KIFC2: variants seen among roughly 807,000 people sequenced by gnomAD.
KIFC2 encodes kinesin-like protein KIFC2.
A neutral mutation model predicts 91.5 loss-of-function variants in KIFC2; 94 were observed. The ratio of observed to expected loss-of-function variants is 1.03; its 90% CI spans 0.87 to 1.22. KIFC2 has a LOEUF of 1.22. Among genes scored for constraint, KIFC2 ranks in the 50% most tolerant of loss-of-function variants. The pLI, the probability that KIFC2 is intolerant of heterozygous loss-of-function variation, is 0.00. For synonymous variants in KIFC2, 729 were observed against 503.9 expected (o/e 1.45, Z -5.98); for missense variants, 1,357 against 1,103.3 (o/e 1.23, Z -3.26).
chr8:144,468,053 A>G lies in KIFC2; in HGVS notation c.810+66A>G, dbSNP rs572060813. The G allele has an allele frequency of 6.8e-6, 10 of 1,469,394 alleles. No individual in the cohort carries two copies. In the Admixed American group the frequency reaches 2.8e-4, roughly 41 times the overall value. The allele number at this position is 1,469,394 out of a possible 1,614,324, so 91.0% of individuals were successfully genotyped here. A position where few individuals can be genotyped will look rare whatever the true frequency, so the allele number is the denominator to read the frequency against. ...GCTCTTGCACACCTGGCATGCAGCC[A>G]CAGGGCCCGAGCCTCCTCAGGACCT... On this transcript the variant is annotated intron_variant, in intron 7 of 17. Transcript: ENST00000645548.
At position 144,472,268 on chromosome 8, in the gene KIFC2, C is replaced by G. The variant is rs1009796066; in HGVS notation, c.1607+9C>G. ...TACAATGAGGCTGTCAGGTGGGCTACTCCACCAGGGAGGCCTTCTCCCCAC... is the reference window on the plus strand; with the variant it reads ...TACAATGAGGCTGTCAGGTGGGCTAGTCCACCAGGGAGGCCTTCTCCCCAC... On this transcript the variant is annotated intron_variant, in intron 14 of 17. Coordinates refer to ENST00000645548, the MANE Select transcript of KIFC2 (RefSeq NM_001369769.2). 6.2e-7 allele frequency: 1 copy of G among 1,613,202 alleles called. No homozygotes were observed. The highest frequency in any genetic ancestry group is 8.5e-7 in the Non-Finnish European group (1 of 1,179,982).
chr8:144,468,452 TG>T, intron 8 of KIFC2, 46 bp downstream of exon 8: 1 of 1,405,166 alleles, frequency 7.1e-7, no homozygotes, highest in Non-Finnish European at 9.4e-7. Context: ...TGAGGCGGGC[TG>T]GGGTTTTGGG....
Position 144,468,367 on chromosome 8 carries a change from T to A in KIFC2, c.849T>A (p.Leu283=), listed in dbSNP as rs770925490. 6.8e-6 allele frequency: 11 copies of A among 1,612,810 alleles called. No individual in the cohort carries two copies. In the Admixed American group the frequency reaches 1.0e-4, roughly 15 times the overall value. ...AEALLELQGR[L]QEAQDTTEAL... ...CATTGCTAGAGCTCCAGGGCCGGCT[T>A]CAGGAGGCCCAAGACACCACAGAAG... is the stretch of plus-strand genomic sequence containing the variant. The change falls in exon 8 of 18, where the codon CTT becomes CTA. Residue 283 remains leucine, a synonymous_variant. Coordinates refer to ENST00000645548, the MANE Select transcript of KIFC2 (RefSeq NM_001369769.2).
Position 144,468,830 on chromosome 8 carries a change from G to T in KIFC2, c.1109G>T (p.Gly370Val). The change falls in exon 10 of 18, where the codon GGC becomes GTC. Residue 370 changes from glycine (G) to valine (V), a missense_variant. Transcript: ENST00000645548. The stretch of plus-strand genomic sequence containing the variant: ...CAGGGTTCGCTGAGTGAGGCCCGGG[G>T]CCAGGTCAGGACCCCTCCCCGCCTA... ...SCQGSLSEAR[G>V]QVSWALGALS... 1 of 1,613,042 alleles carries T rather than the reference G, an allele frequency of 6.2e-7. No individual in the cohort carries two copies. Among genetic ancestry groups the T allele is most frequent in the Non-Finnish European group, 8.5e-7 (1 of 1,179,304 alleles).
At position 144,473,404 on chromosome 8, in the gene KIFC2, C is replaced by T. The variant is rs1041517742; in HGVS notation, c.*15C>T. Reference sequence around the variant, plus strand: ...TGCCCCTCTAGTCCTGGGTCGCGGCCCTGCCCATGGGGTCTCAGGCCAGGT... The same window carrying T: ...TGCCCCTCTAGTCCTGGGTCGCGGCTCTGCCCATGGGGTCTCAGGCCAGGT... On this transcript the variant is annotated 3_prime_UTR_variant, in exon 18 of 18. Transcript: ENST00000645548. 3.8e-6 allele frequency: 6 copies of T among 1,571,850 alleles called. No individual in the cohort carries two copies. The highest frequency in any genetic ancestry group is 1.8e-5 in the Admixed American group (1 of 55,564).
chr8:144,469,798 G>A (rs1054754387), intron 12 of KIFC2, 151 bp downstream of exon 12: 4 of 1,022,010 alleles, frequency 3.9e-6, no homozygotes, highest in Non-Finnish European at 5.5e-6. Context: ...AACCGAGGGG[G>A]CTGGGAAGCA....
Position 144,466,766 on chromosome 8 carries a change from C to A in KIFC2, c.106C>A (p.Arg36Ser). The change falls in exon 2 of 18, where the codon CGC becomes AGC. Residue 36 changes from arginine (R) to serine (S), a missense_variant. Arg to Ser is a moderately radical substitution (Grantham distance 110). Coordinates refer to ENST00000645548, the MANE Select transcript of KIFC2 (RefSeq NM_001369769.2). ...GCCCCTGCCCCCTCCCTAGAGAGCCCGCAAGCCCCGGGGTCGCCGGCGCCC... is the reference window on the plus strand; with the variant it reads ...GCCCCTGCCCCCTCCCTAGAGAGCCAGCAAGCCCCGGGGTCGCCGGCGCCC... ...AEPGDPAQRARKPRGRRRPDL... is the reference protein window; with the variant it reads ...AEPGDPAQRASKPRGRRRPDL... The A allele has an allele frequency of 6.5e-7, 1 of 1,531,168 alleles. No homozygotes were observed. Among genetic ancestry groups the A allele is most frequent in the Non-Finnish European group, 8.7e-7 (1 of 1,145,880 alleles). The allele number at this position is 1,531,168 out of a possible 1,614,324, so 94.8% of individuals were successfully genotyped here. A position where few individuals can be genotyped will look rare whatever the true frequency, so the allele number is the denominator to read the frequency against.
At position 144,472,601 on chromosome 8, in the gene KIFC2, C is replaced by T; in HGVS notation, c.1756C>T (p.Arg586Trp). The change falls in exon 16 of 18, where the codon CGG becomes TGG. Residue 586 changes from arginine to tryptophan, a missense_variant. Coordinates refer to ENST00000645548, the MANE Select transcript of KIFC2 (RefSeq NM_001369769.2). Reference sequence around the variant, plus strand: ...GATGCTGAAACTGGGGAGGAGCAACCGGGCCACCGCCGCCACCGCCATGAA... The same window carrying T: ...GATGCTGAAACTGGGGAGGAGCAACTGGGCCACCGCCGCCACCGCCATGAA... The part of the protein sequence containing the change: ...HQMLKLGRSN[R>W]ATAATAMNQR... The T allele has an allele frequency of 6.2e-7, 1 of 1,607,646 alleles. No individual in the cohort carries two copies. The highest frequency in any genetic ancestry group is 8.5e-7 in the Non-Finnish European group (1 of 1,179,692).
chr8:144,466,759 G>A lies in KIFC2; in HGVS notation c.100-1G>A. 1 of 1,530,060 alleles carries A rather than the reference G, an allele frequency of 6.5e-7. No homozygotes were observed. Among genetic ancestry groups the A allele is most frequent in the East Asian group, 2.5e-5 (1 of 40,488 alleles). 94.8% of individuals were successfully genotyped at this position (1,530,060 alleles called of 1,614,324 possible). Reference sequence around the variant, plus strand: ...CAGGGGCGCCCCTGCCCCCTCCCTAGAGAGCCCGCAAGCCCCGGGGTCGCC... The same window carrying A: ...CAGGGGCGCCCCTGCCCCCTCCCTAAAGAGCCCGCAAGCCCCGGGGTCGCC... On this transcript the variant is annotated splice_acceptor_variant, in intron 1 of 17. Transcript: ENST00000645548. LOFTEE classifies it high-confidence loss of function.
intron 12 of KIFC2, 86 bp from the exon 13 acceptor site, chr8:144,471,856 C>A (rs1432092908): frequency 1.3e-5 from 15 of 1,192,156 alleles, no homozygotes; most frequent in Non-Finnish European, 1.6e-5. Flanking sequence ...CTCACACCTG[C>A]CTTCGTGGCA....
At chr8:144,468,135 C>G in intron 7 of KIFC2, 148 bp downstream of exon 7, 1 of 1,145,972 alleles carries the variant, frequency 8.7e-7, no homozygotes, top group Non-Finnish European at 1.2e-6. Context: ...AATGGGAAGA[C>G]CCCCCTCTCC....
At chr8:144,468,054 CAG>C in intron 7 of KIFC2, 67 bp downstream of exon 7, 1 of 1,469,422 alleles carries the variant, frequency 6.8e-7, no homozygotes, top group Non-Finnish European at 9.0e-7. Flanking sequence ...CATGCAGCCA[CAG>C]GGCCCGAGCC....
At chr8:144,468,075 A>T in intron 7 of KIFC2, 88 bp downstream of exon 7, 2 of 1,432,672 alleles carry the variant, frequency 1.4e-6, no homozygotes, top group South Asian at 1.5e-5. Context: ...CCTCCTCAGG[A>T]CCTCCCGGGA....
At position 144,466,742 on chromosome 8, in the gene KIFC2, C is replaced by A. The variant is rs1192375142; in HGVS notation, c.100-18C>A. The stretch of plus-strand genomic sequence containing the variant: ...CTGCCTGCCCCCCTCCTCAGGGGCG[C>A]CCCTGCCCCCTCCCTAGAGAGCCCG... On this transcript the variant is annotated intron_variant, in intron 1 of 17. Transcript: ENST00000645548. The A allele has an allele frequency of 1.3e-5, 20 of 1,517,606 alleles. No homozygotes were observed. Among genetic ancestry groups the A allele is most frequent in the Non-Finnish European group, 1.8e-5 (20 of 1,138,208 alleles). 94.0% of individuals were successfully genotyped at this position (1,517,606 alleles called of 1,614,324 possible).
In KIFC2 at chr8:144,471,966, G is replaced by C; in HGVS notation, c.1405G>C (p.Val469Leu). The change falls in exon 13 of 18, where the codon GTG becomes CTG. Residue 469 changes from valine to leucine, a missense_variant. Coordinates refer to ENST00000645548, the MANE Select transcript of KIFC2 (RefSeq NM_001369769.2). ...EEVFRELEPA[V>L]LSCLRGYSVC... is the part of the protein sequence containing the mutation. Reference sequence around the variant, plus strand: ...GGTCTTCAGAGAGCTGGAACCTGCGGTGCTGTCCTGCCTCCGAGGCTACAG... The same window carrying C: ...GGTCTTCAGAGAGCTGGAACCTGCGCTGCTGTCCTGCCTCCGAGGCTACAG... 1 of 1,613,396 alleles carries C rather than the reference G, an allele frequency of 6.2e-7. No individual in the cohort carries two copies. The highest frequency in any genetic ancestry group is 8.5e-7 in the Non-Finnish European group (1 of 1,180,022).
In KIFC2 at chr8:144,472,613, G is replaced by C. The variant is rs778514593; in HGVS notation, c.1768G>C (p.Ala590Pro). The change falls in exon 16 of 18, where the codon GCC becomes CCC. Residue 590 changes from alanine to proline, a missense_variant. Coordinates refer to ENST00000645548, the MANE Select transcript of KIFC2 (RefSeq NM_001369769.2). Reference sequence around the variant, plus strand: ...GGGGAGGAGCAACCGGGCCACCGCCGCCACCGCCATGAACCAGCGCAGCTC... The same window carrying C: ...GGGGAGGAGCAACCGGGCCACCGCCCCCACCGCCATGAACCAGCGCAGCTC... ...KLGRSNRATAATAMNQRSSRS... is the reference protein window; with the variant it reads ...KLGRSNRATAPTAMNQRSSRS... 8.7e-6 allele frequency: 14 copies of C among 1,605,700 alleles called. No individual in the cohort carries two copies. Among genetic ancestry groups the C allele is most frequent in the Non-Finnish European group, 5.9e-6 (7 of 1,179,670 alleles).
chr8:144,467,146 C>A (rs1426515549), intron 3 of KIFC2, 36 bp downstream of exon 3: 1 of 1,611,828 alleles, frequency 6.2e-7, no homozygotes, highest in Non-Finnish European at 8.5e-7. Context: ...GCAGGTACCA[C>A]CTGCCCCGGC....
Position 144,466,379 on chromosome 8 carries a change from G to C in KIFC2, c.-41G>C. 1.1e-6 allele frequency: 1 copy of C among 898,832 alleles called. No homozygotes were observed. Among genetic ancestry groups the C allele is most frequent in the East Asian group, 4.7e-5 (1 of 21,160 alleles). The allele number at this position is 898,832 out of a possible 1,614,324, so 55.7% of individuals were successfully genotyped here. ...GCGCCGAGTCTGGGCGCGGGGACGC[G>C]GGGCGGCGCGAAGCGGGGCCCTCTG... On this transcript the variant is annotated 5_prime_UTR_variant, in exon 1 of 18. Transcript: ENST00000645548.
At chr8:144,466,860 C>T (rs1420890548) in intron 2 of KIFC2, 22 bp downstream of exon 2, 1 of 1,536,722 alleles carries the variant, frequency 6.5e-7, no homozygotes. Flanking sequence ...CTGGGAGTCC[C>T]GCGGTGCGAG....
Sources: gnomAD v4.1 joint callset for allele counts on GRCh38, gnomAD v4.1.1 for gene constraint, MANE v1.5 for transcripts, NCBI Gene and HGNC (gene_info 2026-07-23, HGNC 2026-07-21) for gene names.